The following ZNF3 variants were observed in gnomAD, a reference collection of about 807,000 sequenced individuals.
The protein encoded by ZNF3 is zinc finger protein 3.
In ZNF3, 16 loss-of-function variants were observed where a neutral mutation model predicts 36.9. The observed-to-expected ratio is 0.43, with a 90% CI of 0.29 to 0.66. The LOEUF (loss-of-function observed/expected upper bound fraction) is 0.66, where lower values mean the gene tolerates loss of function less well. ZNF3 is among the 30% of genes least tolerant of loss of function. The pLI is 0.13. For synonymous variants in ZNF3, 201 were observed against 201.9 expected (o/e 1.00, Z 0.04); for missense variants, 462 against 543.1 (o/e 0.85, Z 1.48).
At chr7:100,068,310 C>T (rs1584401974), downstream of ZNF3, among the ~76,000 whole-genome samples, 1 of 151,762 alleles carries the variant, frequency 6.6e-6, no homozygotes, top group East Asian at 2.0e-4. Context: ...CTCAAACTCT[C>T]ACCTCGTGAT....
At chr7:100,072,384 CAG>C (rs1216942881) in intron 5 of ZNF3, among the ~76,000 whole-genome samples, 172 bp from the exon 6 acceptor site, 1 of 152,126 alleles carries the variant, frequency 6.6e-6, no homozygotes, top group Non-Finnish European at 1.5e-5. Context: ...GCTAAGGAGA[CAG>C]GGAAGGGGCA....
In ZNF3 at chr7:100,070,172, T is replaced by TG; in HGVS notation, c.*970_*971insC. ...TTCGTTTTTTTGTTTTTTTGTTTTT[T>TG]TTTTCTCCCTTTTGGGCTTTGCTCT... On this transcript the variant is annotated 3_prime_UTR_variant, in exon 6 of 6. Coordinates refer to ENST00000299667, the MANE Select transcript of ZNF3 (RefSeq NM_032924.5). The TG allele has an allele frequency of 1.0e-6, 1 of 984,968 alleles. No homozygotes were observed. Among genetic ancestry groups the TG allele is most frequent in the Non-Finnish European group, 1.2e-6 (1 of 829,826 alleles). The allele number at this position is 984,968 out of a possible 1,614,324, so 61.0% of individuals were successfully genotyped here.
intron 3 of ZNF3, among the ~76,000 whole-genome samples, chr7:100,076,586 T>C (rs1794150665): frequency 6.6e-6 from 1 of 152,100 alleles, no homozygotes; most frequent in Admixed American, 6.6e-5. Context: ...GCCACCGCGC[T>C]CGGCCGCAAA....
Position 100,071,007 on chromosome 7 carries a change from T to C in ZNF3, c.*136A>G. The stretch of plus-strand genomic sequence containing the variant: ...TGTGATTTCTGGGAAAATTCAACGA[T>C]TTGCCCCATCTGCCCCATTCTCTAA... On this transcript the variant is annotated 3_prime_UTR_variant, in exon 6 of 6. Coordinates refer to ENST00000299667, the MANE Select transcript of ZNF3 (RefSeq NM_032924.5). 2 of 1,471,246 alleles carry C rather than the reference T, an allele frequency of 1.4e-6. No homozygotes were observed. The highest frequency in any genetic ancestry group is 9.0e-7 in the Non-Finnish European group (1 of 1,115,852). The allele number at this position is 1,471,246 out of a possible 1,614,324, so 91.1% of individuals were successfully genotyped here.
intron 1 of ZNF3, among the ~76,000 whole-genome samples, 198 bp from the exon 2 acceptor site, chr7:100,079,854 C>A (rs1303425590): frequency 2.0e-5 from 3 of 151,948 alleles, no homozygotes; most frequent in African/African-American, 7.3e-5. Context: ...TGCACTGCCA[C>A]ATCTGGCTGA....
At chr7:100,077,701 C>T (rs1005489298) in intron 2 of ZNF3, 2 of 184,652 alleles carry the variant, frequency 1.1e-5, no homozygotes, top group Admixed American at 5.8e-5. Flanking sequence ...GGATTACAGG[C>T]GTGAGCCACC....
At chr7:100,074,221 C>T (rs1250642664) in intron 5 of ZNF3, among the ~76,000 whole-genome samples, 1 of 152,146 alleles carries the variant, frequency 6.6e-6, no homozygotes, top group African/African-American at 2.4e-5. Context: ...ATCAGCCCAA[C>T]TGATGACCAT....
chr7:100,064,544 G>A (rs138771571), exon 6 of ZNF3: 1 of 1,614,186 alleles, frequency 6.2e-7, no homozygotes, highest in Non-Finnish European at 8.5e-7. Context: ...CATCACTGTG[G>A]AAAGACCTTC....
In ZNF3 at chr7:100,064,259, C is replaced by A. The variant is rs775813808; in HGVS notation, c.*529G>T. 5 of 1,614,144 alleles carry A rather than the reference C, an allele frequency of 3.1e-6. No individual in the cohort carries two copies. In the South Asian group the frequency reaches 4.4e-5, roughly 14 times the overall value. Reference sequence around the variant, plus strand: ...CTTCTTAAACATCAGAGAATGCACACAGAAGAGGCGCCATATCAGTGCAAA... The same window carrying A: ...CTTCTTAAACATCAGAGAATGCACAAAGAAGAGGCGCCATATCAGTGCAAA... On this transcript the variant is annotated 3_prime_UTR_variant, in exon 6 of 6. Coordinates refer to the ZNF3 transcript ENST00000413658.
chr7:100,077,563 T>A (rs1309550564), intron 2 of ZNF3, 130 bp from the exon 3 acceptor site: 1 of 760,340 alleles, frequency 1.3e-6, no homozygotes, highest in Admixed American at 3.5e-5. Context: ...GACTAGTCTT[T>A]TATTTTCTTT....
rs538495695 is a variant in ZNF3 at position 100,081,088 on chromosome 7, A to T, written c.-198+547T>A. Among the ~76,000 whole-genome samples the T allele has an allele frequency of 6.6e-6, 1 of 152,284 alleles. No individual in the cohort carries two copies. Among genetic ancestry groups the T allele is most frequent in the African/African-American group, 2.4e-5 (1 of 41,566 alleles). Reference sequence around the variant, plus strand: ...AGGAATCTAATACAACTGAAAACGGAGCCTGAGCCAGGTGTATCACGCGAT... The same window carrying T: ...AGGAATCTAATACAACTGAAAACGGTGCCTGAGCCAGGTGTATCACGCGAT... On this transcript the variant is annotated intron_variant, in intron 1 of 5. Coordinates refer to ENST00000299667, the MANE Select transcript of ZNF3 (RefSeq NM_032924.5). This position sits in a 1 kb window ranked among gnomAD's most constrained non-coding sequence, Gnocchi z 4.3.
Position 100,071,167 on chromosome 7 carries a change from C to G in ZNF3, c.1317G>C (p.Glu439Asp). The change falls in exon 6 of 6, where the codon GAG (glutamate) becomes GAC (aspartate). Residue 439 changes from glutamate to aspartate, a missense_variant. Physicochemically the swap from Glu to Asp is conservative, Grantham distance 45. Transcript: ENST00000299667. ...MSKSSLRVTTELNIREST is the reference protein window; with the variant it reads ...MSKSSLRVTTDLNIREST ...TTCACGTGGACTCTCTGATATTTAACTCGGTCGTAACTCTGAGGGAGCTTT... is the reference window on the plus strand; with the variant it reads ...TTCACGTGGACTCTCTGATATTTAAGTCGGTCGTAACTCTGAGGGAGCTTT... 2 of 1,598,448 alleles carry G rather than the reference C, an allele frequency of 1.3e-6. No individual in the cohort carries two copies. The highest frequency in any genetic ancestry group is 1.7e-6 in the Non-Finnish European group (2 of 1,171,340).
downstream of ZNF3, among the ~76,000 whole-genome samples, chr7:100,066,885 AT>A (rs1294988835): frequency 1.3e-5 from 2 of 151,324 alleles, no homozygotes; most frequent in Non-Finnish European, 2.9e-5. Flanking sequence ...AAATGCAAAA[AT>A]TAGCCAGGTG....
rs369618761 is a variant in ZNF3, at chr7:100,071,262, T to C, written c.1222A>G (p.Ser408Gly). Residue 408 changes from serine to glycine, a missense_variant, in exon 6 of 6, where the codon AGC (serine) becomes GGC (glycine). Transcript: ENST00000299667. Reference sequence around the variant, plus strand: ...CTCTGATGGCGAACAAGAGCCGAGCTGTACCTGAAGGCTTTCCCACACTCA... The same window carrying C: ...CTCTGATGGCGAACAAGAGCCGAGCCGTACCTGAAGGCTTTCCCACACTCA... ...CSECGKAFRY[S>G]SALVRHQRIH... 16 of 1,614,154 alleles carry C rather than the reference T, an allele frequency of 9.9e-6. No individual in the cohort carries two copies. Among genetic ancestry groups the C allele is most frequent in the Non-Finnish European group, 1.4e-5 (16 of 1,180,050 alleles).
At chr7:100,074,267 CCACTTT>C (rs1252782911) in intron 5 of ZNF3, among the ~76,000 whole-genome samples, 1 of 152,146 alleles carries the variant, frequency 6.6e-6, no homozygotes, top group Non-Finnish European at 1.5e-5. Flanking sequence ...ACTCTCACCT[CCACTTT>C]ATTTACTTAT....
chr7:100,072,978 G>A (rs756139674), intron 5 of ZNF3, among the ~76,000 whole-genome samples: 16 of 152,140 alleles, frequency 1.1e-4, no homozygotes, highest in South Asian at 6.2e-4. Flanking sequence ...TGTTAGGGAC[G>A]GGAACGGCTG....
chr7:100,077,284 A>G lies in ZNF3; in HGVS notation c.55+19T>C. On this transcript the variant is annotated intron_variant, in intron 3 of 5. Coordinates refer to ENST00000299667, the MANE Select transcript of ZNF3 (RefSeq NM_032924.5). ...GCAGAATGACTGAGTAAAAGAATGA[A>G]TGAGTCCTTATTCCTCACCACTGTC... The G allele has an allele frequency of 6.2e-7, 1 of 1,613,846 alleles. No individual in the cohort carries two copies.
chr7:100,072,014 T>C lies in ZNF3; in HGVS notation c.470A>G (p.Gln157Arg). 6.2e-7 allele frequency: 1 copy of C among 1,613,990 alleles called. No individual in the cohort carries two copies. ...RLNRKMPDFG[Q>R]VTVEEKLTPR... ...GGTTAGCTTCTCCTCAACTGTCACT[T>C]GACCAAAATCTGGCATTTTCCTGTT... Residue 157 changes from glutamine (Q) to arginine (R), a missense_variant, in exon 6 of 6, where the codon CAA becomes CGA. Coordinates refer to ENST00000299667, the MANE Select transcript of ZNF3 (RefSeq NM_032924.5).
exon 6 of ZNF3, chr7:100,064,366 A>G (rs778963749): frequency 6.2e-7 from 1 of 1,614,134 alleles, no homozygotes; most frequent in East Asian, 2.2e-5. Context: ...TTATCAGTGT[A>G]ACGAATGTGG....
Sources: allele counts gnomAD v4.1 joint callset (sites outside exome capture counted in the v4.1 genomes callset), GRCh38; gene constraint gnomAD v4.1.1; non-coding constraint Gnocchi (gnomAD v3.1); transcripts MANE v1.5; gene names NCBI Gene and HGNC (gene_info 2026-07-23, HGNC 2026-07-21).